The following ATP13A4 variants were observed in gnomAD, a reference collection of about 807,000 sequenced individuals.
The protein encoded by ATP13A4 is ATPase 13A4, also known as probable cation-transporting ATPase 13A4.
In ATP13A4, 114 loss-of-function variants were observed where a neutral mutation model predicts 142.5. The ratio of observed to expected loss-of-function variants is 0.80; its 90% CI spans 0.69 to 0.93. The LOEUF (loss-of-function observed/expected upper bound fraction) is 0.93. Among genes scored for constraint, ATP13A4 ranks in the 40% least tolerant of loss-of-function variants. The pLI is 0.00. For synonymous variants in ATP13A4, 488 were observed against 514.8 expected (o/e 0.95, Z 0.70); for missense variants, 1,392 against 1,454.0 (o/e 0.96, Z 0.69).
intron 25 of ATP13A4, among the ~76,000 whole-genome samples, chr3:193,430,642 G>A (rs1005051296): frequency 1.3e-5 from 2 of 151,272 alleles, no homozygotes; most frequent in Non-Finnish European, 2.9e-5. Context: ...GAGTATTTTA[G>A]GCAAAAGGAA....
At chr3:193,486,936 T>C (rs1052944804) in intron 7 of ATP13A4, among the ~76,000 whole-genome samples, 2 of 152,204 alleles carry the variant, frequency 1.3e-5, no homozygotes, top group African/African-American at 4.8e-5. Flanking sequence ...ATTTGCTTCA[T>C]TTGCCTAAAA....
At chr3:193,586,292 A>G (rs73067611) in intron 1 of ATP13A4, among the ~76,000 whole-genome samples, 14,124 of 152,140 alleles carry the variant, frequency 0.093, 1,240 homozygotes, top group African/African-American at 0.24. Context: ...TTGCCTATTC[A>G]TCTTATCATT....
upstream of ATP13A4, among the ~76,000 whole-genome samples, chr3:193,556,933 G>A (rs1392712989): frequency 6.6e-6 from 1 of 152,144 alleles, no homozygotes; most frequent in Non-Finnish European, 1.5e-5. Context: ...AGTATGTGAC[G>A]TGGTGAAACT....
intron 1 of ATP13A4, among the ~76,000 whole-genome samples, chr3:193,537,818 A>G (rs1248773975): frequency 6.6e-6 from 1 of 152,188 alleles, no homozygotes; most frequent in Non-Finnish European, 1.5e-5. Context: ...TCAATTTCCA[A>G]AGGATTATGC....
chr3:193,539,678 C>T (rs1168603053), intron 1 of ATP13A4, among the ~76,000 whole-genome samples: 1 of 152,144 alleles, frequency 6.6e-6, no homozygotes, highest in Non-Finnish European at 1.5e-5. Flanking sequence ...CATACCTGCT[C>T]ACCATGGAAC....
chr3:193,473,672 T>A (rs1034116755), intron 8 of ATP13A4, among the ~76,000 whole-genome samples: 2 of 152,218 alleles, frequency 1.3e-5, no homozygotes, highest in Non-Finnish European at 2.9e-5. Flanking sequence ...TGAAATTATG[T>A]ACCATCTGAG....
In ATP13A4 at chr3:193,467,369, A is replaced by G. The variant is rs1718359202; in HGVS notation, c.1061T>C (p.Ile354Thr). Residue 354 changes from isoleucine to threonine, a missense_variant, in exon 10 of 30, where the codon ATC becomes ACC. By Grantham distance (89) the Ile-to-Thr change is moderately conservative. Transcript: ENST00000342695. Reference protein sequence around the residue: ...RHVLFCGTEVIQAKAACSGTV... With the variant: ...RHVLFCGTEVTQAKAACSGTV... ...CCCAGAGCAAGCTGCCTTGGCCTGG[A>G]TAACCTCTGTTCCACAGAAGAGGAC... is the stretch of plus-strand genomic sequence containing the variant. The G allele has an allele frequency of 1.9e-6, 3 of 1,614,170 alleles. No individual in the cohort carries two copies. Among genetic ancestry groups the G allele is most frequent in the Non-Finnish European group, 2.5e-6 (3 of 1,180,028 alleles).
intron 8 of ATP13A4, among the ~76,000 whole-genome samples, chr3:193,475,739 A>G (rs1350623073): frequency 6.6e-6 from 1 of 152,094 alleles, no homozygotes. Flanking sequence ...TAAACCTATC[A>G]AGTTGCTGGC....
Position 193,492,985 on chromosome 3 carries a change from GT to G in ATP13A4, c.464del (p.Asp155AlafsTer16). 1 of 1,609,712 alleles carries G rather than the reference GT, an allele frequency of 6.2e-7. No homozygotes were observed. Among genetic ancestry groups the G allele is most frequent in the Non-Finnish European group, 8.5e-7 (1 of 1,176,780 alleles). ...GQFQKIGSLEDWLSSAKIHQK... is the reference protein window; with the variant it reads ...GQFQKIGSLEXWLSSAKIHQK... ...GATGTATCTTGGCAGAACTAAGCCA[GT>G]CTTCCAAAGAACTAAAATAATAATA... On this transcript the variant is annotated frameshift_variant, in exon 5 of 30. Transcript: ENST00000342695. LOFTEE classifies it high-confidence loss of function.
chr3:193,414,844 G>C (rs1008040861), intron 25 of ATP13A4, 94 bp from the exon 26 acceptor site: 14 of 1,231,328 alleles, frequency 1.1e-5, no homozygotes, highest in Non-Finnish European at 1.5e-5. Flanking sequence ...ATACATTTGA[G>C]GAAATGGACA....
intron 8 of ATP13A4, among the ~76,000 whole-genome samples, chr3:193,477,870 T>C (rs1313108482): frequency 6.6e-6 from 1 of 152,066 alleles, no homozygotes; most frequent in Non-Finnish European, 1.5e-5. Flanking sequence ...GATCAGCATG[T>C]TTCCATGATG....
intron 1 of ATP13A4, among the ~76,000 whole-genome samples, chr3:193,531,309 A>AGGGAGGGAG (rs1254864393): frequency 9.0e-6 from 1 of 110,522 alleles, no homozygotes; most frequent in Non-Finnish European, 1.9e-5. Context: ...GAAGGAAGGA[A>AGGGAGGGAG]GGAAGGAAGG....
At chr3:193,542,929 G>C (rs1158894462) in intron 1 of ATP13A4, among the ~76,000 whole-genome samples, 2 of 152,302 alleles carry the variant, frequency 1.3e-5, no homozygotes, top group South Asian at 4.2e-4. Context: ...ACTTTGGGAG[G>C]CCGAGGTGGG....
chr3:193,439,291 C>T (rs1716482917), intron 21 of ATP13A4, among the ~76,000 whole-genome samples: 2 of 152,138 alleles, frequency 1.3e-5, no homozygotes, highest in Admixed American at 1.3e-4. Flanking sequence ...GTAGACACTG[C>T]ACATCACTGC....
intron 1 of ATP13A4, among the ~76,000 whole-genome samples, chr3:193,531,174 C>T (rs369701568): frequency 1.7e-4 from 26 of 151,414 alleles, no homozygotes; most frequent in Middle Eastern, 3.4e-3. Context: ...AGCACTAGCC[C>T]GTTGAACTCT....
chr3:193,579,583 T>C (rs931851642), intron 2 of ATP13A4: 12 of 152,324 alleles, frequency 7.9e-5, no homozygotes, highest in Admixed American at 3.3e-4. Flanking sequence ...TTTTCCACTA[T>C]TGTTCCCAGT....
chr3:193,436,383 A>T (rs920543798), intron 23 of ATP13A4, among the ~76,000 whole-genome samples: 5 of 152,212 alleles, frequency 3.3e-5, no homozygotes, highest in African/African-American at 1.2e-4. Context: ...ATGACACATG[A>T]AATGTCACTT....
At chr3:193,485,205 C>T (rs1450618424) in intron 7 of ATP13A4, among the ~76,000 whole-genome samples, 1 of 151,626 alleles carries the variant, frequency 6.6e-6, no homozygotes, top group Non-Finnish European at 1.5e-5. Context: ...AACAAAAAGC[C>T]TAGCGCATCT....
rs925940220 is a variant in ATP13A4, at chr3:193,454,621, G to T, written c.1916-409C>A. Among the ~76,000 whole-genome samples the T allele has an allele frequency of 2.6e-5, 4 of 152,136 alleles. No individual in the cohort carries two copies. In the East Asian group the frequency reaches 7.7e-4, roughly 29 times the overall value. ...CTGACAAAAATAAGCATGGGGAAAG[G>T]CTTTCCCATTCAATAAATTGTCCTG... On this transcript the variant is annotated intron_variant, in intron 16 of 29. Transcript: ENST00000342695.
Sources: allele counts gnomAD v4.1 joint callset (sites outside exome capture counted in the v4.1 genomes callset), GRCh38; gene constraint gnomAD v4.1.1; transcripts MANE v1.5; gene names NCBI Gene and HGNC (gene_info 2026-07-23, HGNC 2026-07-21).